Variants in MAP2K5 observed in about 807,000 individuals in gnomAD.
MAP2K5 encodes dual specificity mitogen-activated protein kinase kinase 5.
In MAP2K5, 49 loss-of-function variants were observed where a neutral mutation model predicts 83.1. The ratio of observed to expected loss-of-function variants is 0.59; its 90% CI spans 0.47 to 0.75. The LOEUF (loss-of-function observed/expected upper bound fraction) is 0.75, where lower values mean the gene tolerates loss of function less well. Ranked by LOEUF, MAP2K5 falls within the 30% of genes least tolerant of loss-of-function variation. MAP2K5 has a pLI of 0.00. For synonymous variants in MAP2K5, 202 were observed against 191.8 expected, an observed-to-expected ratio of 1.05 and a Z score of -0.44; for missense variants, 457 against 557.5, an observed-to-expected ratio of 0.82 and a Z score of 1.82.
intron 16 of MAP2K5, among the ~76,000 whole-genome samples, chr15:67,712,878 A>G (rs1240816652): frequency 1.3e-5 from 2 of 151,982 alleles, no homozygotes; most frequent in African/African-American, 4.8e-5. Flanking sequence ...AGATCATGCC[A>G]TTGCACTCCG....
intron 5 of MAP2K5, among the ~76,000 whole-genome samples, 187 bp downstream of exon 5, chr15:67,586,117 C>T (rs1032357789): frequency 1.3e-5 from 2 of 152,024 alleles, no homozygotes; most frequent in Non-Finnish European, 2.9e-5. Flanking sequence ...TATTTGCATA[C>T]TGGGGGTTTG....
At chr15:67,734,626 AT>A (rs1675470801) in intron 17 of MAP2K5, among the ~76,000 whole-genome samples, 1 of 152,144 alleles carries the variant, frequency 6.6e-6, no homozygotes, top group African/African-American at 2.4e-5. Context: ...GATGTCTTAT[AT>A]TCTATGTTAA....
At chr15:67,805,927 G>A (rs1273730215) in intron 21 of MAP2K5, among the ~76,000 whole-genome samples, 1 of 152,206 alleles carries the variant, frequency 6.6e-6, no homozygotes, top group Non-Finnish European at 1.5e-5. Flanking sequence ...TGTAAATCTT[G>A]GTGCTTCAGG....
intron 7 of MAP2K5, among the ~76,000 whole-genome samples, chr15:67,600,276 A>T (rs1273642539): frequency 7.2e-5 from 11 of 152,162 alleles, no homozygotes; most frequent in Admixed American, 7.2e-4. Context: ...TTATTTACAG[A>T]TCATGCATTA....
chr15:67,570,467 A>G, intron 3 of MAP2K5, among the ~76,000 whole-genome samples: 1 of 152,218 alleles, frequency 6.6e-6, no homozygotes, highest in South Asian at 2.1e-4. Flanking sequence ...GACAGGAGCA[A>G]TGAGTTATTG....
intron 8 of MAP2K5, among the ~76,000 whole-genome samples, chr15:67,615,923 A>G (rs971143538): frequency 6.6e-6 from 1 of 152,162 alleles, no homozygotes; most frequent in Non-Finnish European, 1.5e-5. Flanking sequence ...GTTCAGCCTT[A>G]TAATCTTTTG....
At chr15:67,585,777 C>G in intron 4 of MAP2K5, 113 bp from the exon 5 acceptor site, 1 of 884,308 alleles carries the variant, frequency 1.1e-6, no homozygotes, top group South Asian at 1.4e-5. Context: ...ACTTTTCAAT[C>G]ATTTCTCTCT....
Position 67,592,913 on chromosome 15 carries a change from C to A in MAP2K5, c.432-13C>A, listed in dbSNP as rs767147545. On this transcript the variant is annotated splice_polypyrimidine_tract_variant and intron_variant, in intron 6 of 21. Transcript: ENST00000178640. ...TGATGATCTTGCCACTAAAAATTAT[C>A]TTTCCTTTTCAGCTTAAAGAAGTCT... The A allele has an allele frequency of 1.2e-6, 2 of 1,600,602 alleles. No individual in the cohort carries two copies. The highest frequency in any genetic ancestry group is 1.7e-6 in the Non-Finnish European group (2 of 1,169,900).
intron 4 of MAP2K5, chr15:67,585,686 G>GA (rs1228801620): frequency 7.5e-6 from 4 of 532,276 alleles, no homozygotes; most frequent in Non-Finnish European, 1.4e-5. Context: ...GGTGGTGTCA[G>GA]AAAGCTCTTT....
At chr15:67,588,949 G>A (rs2085341041) in intron 6 of MAP2K5, among the ~76,000 whole-genome samples, 1 of 152,042 alleles carries the variant, frequency 6.6e-6, no homozygotes, top group Non-Finnish European at 1.5e-5. Context: ...CCAAGTAGCT[G>A]GGACTACAGG....
At position 67,783,529 on chromosome 15, in the gene MAP2K5, TC is replaced by T. The variant is rs2090365307; in HGVS notation, c.1242+10779del. Among the ~76,000 whole-genome samples, 4 of 152,264 alleles carry T rather than the reference TC, an allele frequency of 2.6e-5. No homozygotes were observed. The South Asian group carries it at 8.3e-4, about 32-fold the overall frequency. On this transcript the variant is annotated intron_variant, in intron 21 of 21. Transcript: ENST00000178640. This position sits in a 1 kb window ranked among gnomAD's most constrained non-coding sequence, Gnocchi z 5.1. ...GCGTGCTTCAGTTGGGTTGAGGACT[TC>T]CTTTTGCCTGTCACCCTTCACCCTG...
In MAP2K5 at chr15:67,702,425, T is replaced by C. The variant is rs1344885424; in HGVS notation, c.973-912T>C. 1.3e-5 allele frequency among the ~76,000 whole-genome samples: 2 copies of C among 152,216 alleles called. No individual in the cohort carries two copies. Among genetic ancestry groups the C allele is most frequent in the South Asian group, 2.1e-4 (1 of 4,830 alleles). On this transcript the variant is annotated intron_variant, in intron 15 of 21. Coordinates refer to ENST00000178640, the MANE Select transcript of MAP2K5 (RefSeq NM_145160.3). The surrounding 1 kb of genome is among the most constrained non-coding windows in gnomAD (Gnocchi z 4.6). ...GAATACATCCTGGTATCTATTGAAT[T>C]GGATATTGGGGTGTAAGTTATGATC...
intron 2 of MAP2K5, among the ~76,000 whole-genome samples, chr15:67,558,088 A>T (rs1004643390): frequency 1.3e-5 from 2 of 152,164 alleles, no homozygotes; most frequent in African/African-American, 4.8e-5. Flanking sequence ...GAGAGTAGTC[A>T]TTTCTTATTA....
chr15:67,629,079 G>T (rs758428929), intron 8 of MAP2K5: 54 of 737,632 alleles, frequency 7.3e-5, no homozygotes, highest in Non-Finnish European at 1.1e-4. Flanking sequence ...ATGAAACCAA[G>T]GTGGCCATGG....
chr15:67,564,880 G>C (rs79860802), intron 3 of MAP2K5, among the ~76,000 whole-genome samples: 18,326 of 152,264 alleles, frequency 0.12, 1,222 homozygotes, highest in East Asian at 0.2. Context: ...CAAAAGATAT[G>C]TACTTTTGGG....
At position 67,573,164 on chromosome 15, in the gene MAP2K5, G is replaced by C. The variant is rs943103944; in HGVS notation, c.253-7590G>C. ...CTAACTTCCTGGGAATGTAGCCCGG[G>C]AAGTCCCAGCCTCATTTTTCCTAGC... On this transcript the variant is annotated intron_variant, in intron 3 of 21. Coordinates refer to ENST00000178640, the MANE Select transcript of MAP2K5 (RefSeq NM_145160.3). This position sits in a 1 kb window ranked among gnomAD's most constrained non-coding sequence, Gnocchi z 4.2. Among the ~76,000 whole-genome samples, 1 of 152,096 alleles carries C rather than the reference G, an allele frequency of 6.6e-6. No individual in the cohort carries two copies. Among genetic ancestry groups the C allele is most frequent in the Non-Finnish European group, 1.5e-5 (1 of 68,022 alleles).
Position 67,783,391 on chromosome 15 carries a change from G to C in MAP2K5, c.1242+10639G>C, listed in dbSNP as rs901659356. Among the ~76,000 whole-genome samples the C allele has an allele frequency of 6.6e-6, 1 of 152,140 alleles. No homozygotes were observed. Among genetic ancestry groups the C allele is most frequent in the African/African-American group, 2.4e-5 (1 of 41,426 alleles). On this transcript the variant is annotated intron_variant, in intron 21 of 21. Transcript: ENST00000178640. The surrounding 1 kb of genome is among the most constrained non-coding windows in gnomAD (Gnocchi z 5.1). ...CAAACTTCTGGCAGTCCCCAGATGC[G>C]TGAGGCATCCTCACACAGTCATGTC...
At chr15:67,707,596 C>A (rs1410447352) in intron 16 of MAP2K5, among the ~76,000 whole-genome samples, 1 of 152,164 alleles carries the variant, frequency 6.6e-6, no homozygotes, top group East Asian at 1.9e-4. Flanking sequence ...GGAGAGCCCA[C>A]CTCTGGTAGA....
chr15:67,575,856 ATCTCTATC>A (rs1242808278), intron 3 of MAP2K5, among the ~76,000 whole-genome samples: 4 of 149,446 alleles, frequency 2.7e-5, no homozygotes, highest in Admixed American at 2.0e-4. Context: ...CTCTCCCTCT[ATCTCTATC>A]TCTCTATCTC....
Sources: allele counts gnomAD v4.1 joint callset (sites outside exome capture counted in the v4.1 genomes callset), GRCh38; gene constraint gnomAD v4.1.1; non-coding constraint Gnocchi (gnomAD v3.1); transcripts MANE v1.5; gene names NCBI Gene and HGNC (gene_info 2026-07-23, HGNC 2026-07-21).